The following RMP64 variants were observed in gnomAD, a reference collection of about 807,000 sequenced individuals.
RMP64 encodes ribonuclease MRP subunit p64, also known as nucleolus and neural progenitor protein.
chr3:113,008,231 A>G, the RMP64 span: 124 of 1,614,060 alleles, frequency 7.7e-5, no homozygotes, highest in Non-Finnish European at 8.2e-5. Context: ...GTTACCCAGA[A>G]AAATGGCCTG....
chr3:113,018,785 C>G, the RMP64 span, among the ~76,000 whole-genome samples: 1 of 152,172 alleles, frequency 6.6e-6, no homozygotes, highest in East Asian at 1.9e-4. Context: ...TTTCATCCCC[C>G]CAAACAGCCC....
the RMP64 span, chr3:113,014,893 C>T: frequency 6.6e-6 from 1 of 151,936 alleles, no homozygotes; most frequent in Non-Finnish European, 1.5e-5. Flanking sequence ...ACTATGTTTT[C>T]CAAGTGCTTT....
At chr3:113,016,863 T>C in the RMP64 span, among the ~76,000 whole-genome samples, 8 of 152,208 alleles carry the variant, frequency 5.3e-5, no homozygotes, top group African/African-American at 1.9e-4. Flanking sequence ...AATGAATGAA[T>C]GAGCATATCA....
chr3:113,016,924 A>AGGGCC, the RMP64 span, among the ~76,000 whole-genome samples: 1 of 152,330 alleles, frequency 6.6e-6, no homozygotes, highest in East Asian at 1.9e-4. Flanking sequence ...CCTGAGCTGG[A>AGGGCC]GGGCCCAATT....
At chr3:113,005,665 T>C in the RMP64 span, 1 of 1,614,020 alleles carries the variant, frequency 6.2e-7, no homozygotes, top group Non-Finnish European at 8.5e-7. Context: ...CTCTAAGATT[T>C]TCATGAATCA....
chr3:113,007,392 T>TG, the RMP64 span, among the ~76,000 whole-genome samples: 1 of 152,188 alleles, frequency 6.6e-6, no homozygotes. Flanking sequence ...TCCCCAGGAA[T>TG]GAACTTTAAA....
chr3:113,006,243 A>G, the RMP64 span, among the ~76,000 whole-genome samples: 6 of 152,316 alleles, frequency 3.9e-5, no homozygotes, highest in Non-Finnish European at 8.8e-5. Context: ...TCTCAAAAGT[A>G]CAGCCGCCTA....
At chr3:113,018,209 G>A in the RMP64 span, among the ~76,000 whole-genome samples, 1 of 152,172 alleles carries the variant, frequency 6.6e-6, no homozygotes, top group Non-Finnish European at 1.5e-5. Context: ...CTAAGATGTA[G>A]TTCATGTGTT....
chr3:113,018,480 G>A, the RMP64 span, among the ~76,000 whole-genome samples: 2 of 152,190 alleles, frequency 1.3e-5, no homozygotes, highest in African/African-American at 4.8e-5. Context: ...ATGGATATAT[G>A]GGAAAGGGGA....
the RMP64 span, chr3:113,013,174 A>C: frequency 7.7e-7 from 1 of 1,300,946 alleles, no homozygotes; most frequent in Admixed American, 2.1e-5. Context: ...GTAGGTTGTA[A>C]CTCCTATGGA....
At chr3:113,006,678 G>A in the RMP64 span, among the ~76,000 whole-genome samples, 3 of 152,074 alleles carry the variant, frequency 2.0e-5, no homozygotes, top group African/African-American at 7.2e-5. Flanking sequence ...TTAAAAGACG[G>A]GCATGGATAT....
At chr3:113,008,327 CTT>C in the RMP64 span, 1 of 1,614,100 alleles carries the variant, frequency 6.2e-7, no homozygotes, top group South Asian at 1.1e-5. Context: ...CTCTCGGAAT[CTT>C]TGCACAAAAC....
the RMP64 span, chr3:113,005,922 GA>G: frequency 1.1e-4 from 177 of 1,613,854 alleles, 1 homozygote; most frequent in African/African-American, 1.8e-3. Context: ...TGTCTCAGAT[GA>G]TGCTTTGAAG....
At chr3:113,013,942 CACTT>C in the RMP64 span, 485 of 1,598,306 alleles carry the variant, frequency 3.0e-4, no homozygotes, top group Non-Finnish European at 3.9e-4. Flanking sequence ...GCAACTGGAC[CACTT>C]ACTTACTTGG....
the RMP64 span, among the ~76,000 whole-genome samples, chr3:113,012,004 G>A: frequency 3.3e-5 from 5 of 152,206 alleles, no homozygotes; most frequent in East Asian, 9.6e-4. Flanking sequence ...TCCATCCAAT[G>A]TTTTCTTACA....
chr3:113,009,082 A>G, the RMP64 span, among the ~76,000 whole-genome samples: 1 of 152,202 alleles, frequency 6.6e-6, no homozygotes, highest in Non-Finnish European at 1.5e-5. Flanking sequence ...TAAGCCCATT[A>G]ATCAGTTAAT....
the RMP64 span, chr3:113,012,507 A>C: frequency 2.8e-6 from 1 of 356,898 alleles, no homozygotes; most frequent in Non-Finnish European, 5.0e-6. Flanking sequence ...TTAGTTGTTC[A>C]GTGATTGGGC....
chr3:113,010,649 A>G, the RMP64 span: 1 of 1,613,238 alleles, frequency 6.2e-7, no homozygotes, highest in Admixed American at 1.7e-5. Flanking sequence ...AAACCTGAGT[A>G]GCTTTGTGTT....
At chr3:113,018,636 C>A in the RMP64 span, among the ~76,000 whole-genome samples, 1 of 152,198 alleles carries the variant, frequency 6.6e-6, no homozygotes, top group Non-Finnish European at 1.5e-5. Context: ...ACCAGCCCAA[C>A]CGGAAACAAA....
Sources: gnomAD v4.1 joint callset for allele counts (sites outside exome capture counted in the v4.1 genomes callset) on GRCh38, gnomAD v4.1.1 for gene constraint, MANE v1.5 for transcripts, NCBI Gene and HGNC (gene_info 2026-07-23, HGNC 2026-07-21) for gene names.